Variants in AFF2 observed in about 807,000 individuals in gnomAD.
AFF2 encodes the protein AF4/FMR2 family member 2.
AFF2 carries 14 observed loss-of-function variants against 76.9 expected under a neutral mutation model. That is an observed-to-expected ratio of 0.18 (90% CI 0.12 to 0.28). The LOEUF (loss-of-function observed/expected upper bound fraction) is 0.28. AFF2 is among the 10% of genes least tolerant of loss of function. AFF2 has a pLI of 1.00. For synonymous variants in AFF2, 398 were observed against 366.7 expected, an observed-to-expected ratio of 1.09 and a Z score of -0.98; for missense variants, 868 against 1,001.1, an observed-to-expected ratio of 0.87 and a Z score of 1.79.
At chrX:148,792,252 C>T (rs1160410284) in intron 3 of AFF2, among the ~76,000 whole-genome samples, 3 of 111,895 alleles carry the variant, frequency 2.7e-5, no homozygotes, top group African/African-American at 9.7e-5. Flanking sequence ...GCCTGGTACA[C>T]CTAAATGCTC....
At chrX:148,896,564 A>G (rs375844194) in intron 8 of AFF2, among the ~76,000 whole-genome samples, 89 of 111,789 alleles carry the variant, frequency 8.0e-4, no homozygotes, top group African/African-American at 2.8e-3. Flanking sequence ...GAACAGATAC[A>G]GTATTTGGAG....
At chrX:148,988,464 A>T (rs1276724207) in intron 20 of AFF2, among the ~76,000 whole-genome samples, 2 of 111,765 alleles carry the variant, frequency 1.8e-5, no homozygotes, top group Non-Finnish European at 3.8e-5. Flanking sequence ...TAGGCAACCT[A>T]GGCAAGTTAA....
At chrX:148,987,673 A>T (rs1486082717) in intron 20 of AFF2, 116 bp downstream of exon 20, 1 of 656,751 alleles carries the variant, frequency 1.5e-6, no homozygotes, top group Non-Finnish European at 2.3e-6. Context: ...TGATTTCCAG[A>T]ACTTAGATAA....
intron 1 of AFF2, among the ~76,000 whole-genome samples, chrX:148,512,431 G>A (rs1415460384): frequency 4.5e-5 from 5 of 112,022 alleles, no homozygotes; most frequent in African/African-American, 9.7e-5. Context: ...CACGACACAC[G>A]TCTGCCATAC....
chrX:148,740,473 A>G (rs782002882), intron 3 of AFF2, among the ~76,000 whole-genome samples: 6 of 111,715 alleles, frequency 5.4e-5, no homozygotes, highest in Non-Finnish European at 9.4e-5. Flanking sequence ...TCACATTTCT[A>G]AAAGTGTGTC....
chrX:148,903,835 G>A (rs910792408), intron 8 of AFF2, among the ~76,000 whole-genome samples: 2 of 111,285 alleles, frequency 1.8e-5, no homozygotes, highest in Non-Finnish European at 3.8e-5. Flanking sequence ...TGACCATTCC[G>A]TCTGCATCTG....
At chrX:148,980,892 T>C in intron 19 of AFF2, 102 bp downstream of exon 19, 1 of 545,076 alleles carries the variant, frequency 1.8e-6, no homozygotes. Context: ...ATTCTAGAAC[T>C]ACAGTCATTT....
intron 1 of AFF2, among the ~76,000 whole-genome samples, chrX:148,514,108 TC>T (rs2124200582): frequency 8.9e-6 from 1 of 111,948 alleles, no homozygotes. Flanking sequence ...ATAGAAATGG[TC>T]CAGGTTCTTG....
chrX:148,504,880 T>C, intron 1 of AFF2, among the ~76,000 whole-genome samples: 1 of 107,554 alleles, frequency 9.3e-6, no homozygotes, highest in Non-Finnish European at 1.9e-5. Context: ...TTAGCTACAA[T>C]CCTCCAGAAG....
chrX:148,729,032 T>TAG (rs1163283848), intron 3 of AFF2, among the ~76,000 whole-genome samples: 1 of 112,284 alleles, frequency 8.9e-6, no homozygotes, highest in African/African-American at 3.2e-5. Context: ...CACGTAGTTG[T>TAG]GTATTCCCTG....
rs150268659 is a variant in AFF2 at position 148,853,030 on chromosome X, T to C, written c.1262+9597T>C. ...TTGCTCAAGATCACACAGCTAGTTG[T>C]TGAGGGAGATGAAATTTCACTCCAG... On this transcript the variant is annotated intron_variant, in intron 7 of 20. Transcript: ENST00000370460. Among the ~76,000 whole-genome samples, 1,061 of 111,795 alleles carry C rather than the reference T, an allele frequency of 9.5e-3. 5 individuals are homozygous for C. The highest frequency in any genetic ancestry group is 0.016 in the Non-Finnish European group (824 of 53,160).
At chrX:148,597,518 A>G (rs1221943322) in intron 1 of AFF2, among the ~76,000 whole-genome samples, 3 of 112,364 alleles carry the variant, frequency 2.7e-5, no homozygotes, top group Non-Finnish European at 5.6e-5. Context: ...GCAGGACTAA[A>G]ATGGTTTCAC....
At chrX:148,503,662 AAC>A in intron 1 of AFF2, among the ~76,000 whole-genome samples, 1 of 112,404 alleles carries the variant, frequency 8.9e-6, no homozygotes, top group Middle Eastern at 4.7e-3. Context: ...GTTATTTGCA[AAC>A]ACTTGACTGT....
intron 1 of AFF2, among the ~76,000 whole-genome samples, chrX:148,509,187 C>T (rs1216233000): frequency 8.9e-6 from 1 of 111,864 alleles, no homozygotes; most frequent in Admixed American, 9.5e-5. Context: ...ATGACATGGA[C>T]TGTAAGTAAA....
chrX:148,559,068 A>G (rs1193704612), intron 1 of AFF2, among the ~76,000 whole-genome samples: 1 of 111,398 alleles, frequency 9.0e-6, no homozygotes, highest in Non-Finnish European at 1.9e-5. Flanking sequence ...TAGTTTGGCA[A>G]CTGGAGTTGG....
At chrX:148,758,404 T>A (rs1239856064) in intron 3 of AFF2, among the ~76,000 whole-genome samples, 8 of 112,708 alleles carry the variant, frequency 7.1e-5, no homozygotes, top group South Asian at 3.6e-4. Flanking sequence ...GTAACTTTTT[T>A]AAAATAAAAG....
chrX:148,719,055 C>A, intron 3 of AFF2: 1 of 1,058,213 alleles, frequency 9.4e-7, no homozygotes, highest in South Asian at 2.8e-5. Context: ...ATGGTGATTC[C>A]ACAACAGTTT....
At chrX:148,853,487 C>T (rs1207407871) in intron 7 of AFF2, among the ~76,000 whole-genome samples, 6 of 111,547 alleles carry the variant, frequency 5.4e-5, no homozygotes, top group East Asian at 2.8e-4. Flanking sequence ...GACTCTGTAG[C>T]GAATTGTGTT....
intron 1 of AFF2, among the ~76,000 whole-genome samples, chrX:148,538,650 G>C (rs1470137274): frequency 8.9e-6 from 1 of 112,299 alleles, no homozygotes; most frequent in Non-Finnish European, 1.9e-5. Flanking sequence ...ATCACAAATA[G>C]CTACTGTTTC....
Sources: allele counts gnomAD v4.1 joint callset (sites outside exome capture counted in the v4.1 genomes callset), GRCh38; gene constraint gnomAD v4.1.1; transcripts MANE v1.5; gene names NCBI Gene and HGNC (gene_info 2026-07-23, HGNC 2026-07-21).